The following GFRA1 variants were observed in gnomAD, a reference collection of about 807,000 sequenced individuals.
The protein encoded by GFRA1 is GDNF family receptor alpha-1.
A neutral mutation model predicts 51.6 loss-of-function variants in GFRA1; 16 were observed. The observed-to-expected ratio is 0.31, with a 90% CI of 0.21 to 0.47. The LOEUF (loss-of-function observed/expected upper bound fraction) is 0.47, where lower values mean the gene tolerates loss of function less well. Ranked by LOEUF, GFRA1 falls within the 20% of genes least tolerant of loss-of-function variation. The probability of loss-of-function intolerance (pLI) is 1.00; values close to 1 mark genes in which losing one functional copy is unlikely to be tolerated. For missense variants in GFRA1, 530 were observed against 594.3 expected (o/e 0.89, Z 1.13); for synonymous variants, 270 against 241.3 (o/e 1.12, Z -1.10).
At chr10:116,121,007 GTTC>G (rs914713720) in intron 6 of GFRA1, among the ~76,000 whole-genome samples, 6 of 152,304 alleles carry the variant, frequency 3.9e-5, no homozygotes, top group African/African-American at 1.2e-4. Flanking sequence ...TACCTCTGTG[GTTC>G]TTCGATGGAA....
At chr10:116,152,094 G>A (rs760224309) in intron 5 of GFRA1, among the ~76,000 whole-genome samples, 157 of 152,278 alleles carry the variant, frequency 1.0e-3, no homozygotes, top group Non-Finnish European at 1.6e-3. Context: ...GGTGGGAAAG[G>A]CTGATGGGGC....
intron 2 of GFRA1, among the ~76,000 whole-genome samples, chr10:116,271,397 G>T (rs1215299385): frequency 6.6e-6 from 1 of 152,082 alleles, no homozygotes; most frequent in African/African-American, 2.4e-5. Flanking sequence ...CACCGCGCAC[G>T]TCGGCCCTCC....
chr10:116,076,337 G>A (rs1276107772), intron 9 of GFRA1, among the ~76,000 whole-genome samples: 1 of 152,056 alleles, frequency 6.6e-6, no homozygotes, highest in Non-Finnish European at 1.5e-5. Context: ...GGCACGGACA[G>A]CCTTACATTG....
intron 4 of GFRA1, among the ~76,000 whole-genome samples, chr10:116,253,867 C>A (rs906802957): frequency 8.5e-5 from 13 of 152,126 alleles, no homozygotes; most frequent in African/African-American, 3.1e-4. Context: ...TGCAGCTGGA[C>A]AAACTTGGCT....
chr10:116,109,908 A>C (rs1957142163), intron 6 of GFRA1, among the ~76,000 whole-genome samples: 1 of 152,054 alleles, frequency 6.6e-6, no homozygotes, highest in Non-Finnish European at 1.5e-5. Context: ...CCCTGTATAA[A>C]ACACAGACAC....
At chr10:116,153,980 G>A (rs543254035) in intron 5 of GFRA1, among the ~76,000 whole-genome samples, 14 of 152,156 alleles carry the variant, frequency 9.2e-5, no homozygotes, top group Non-Finnish European at 1.0e-4. Context: ...AATGGGCAAA[G>A]AAACATGCAG....
At chr10:116,123,081 G>C (rs796918472) in intron 6 of GFRA1, among the ~76,000 whole-genome samples, 1 of 152,190 alleles carries the variant, frequency 6.6e-6, no homozygotes, top group African/African-American at 2.4e-5. Flanking sequence ...GCTGGACCCC[G>C]AGCAAAGCTC....
intron 5 of GFRA1, among the ~76,000 whole-genome samples, chr10:116,129,427 A>G (rs186908446): frequency 1.6e-4 from 24 of 152,312 alleles, no homozygotes; most frequent in Admixed American, 1.5e-3. Context: ...GGAAAACCAT[A>G]TATTTCATTA....
chr10:116,175,535 A>G (rs1269254491), intron 5 of GFRA1, among the ~76,000 whole-genome samples: 1 of 152,188 alleles, frequency 6.6e-6, no homozygotes, highest in Non-Finnish European at 1.5e-5. Context: ...CTCGCCTGGG[A>G]ACCCCATCCA....
intron 5 of GFRA1, among the ~76,000 whole-genome samples, chr10:116,188,525 C>A (rs1962944079): frequency 6.6e-6 from 1 of 152,056 alleles, no homozygotes; most frequent in African/African-American, 2.4e-5. Context: ...ATGAAAAAGT[C>A]CTGGAGATGG....
In GFRA1 at chr10:116,078,145, T is replaced by C. The variant is rs1158001123; in HGVS notation, c.1197+11596A>G. 2.6e-5 allele frequency among the ~76,000 whole-genome samples: 4 copies of C among 152,202 alleles called. No homozygotes were observed. In the South Asian group the frequency reaches 6.2e-4, roughly 24 times the overall value. On this transcript the variant is annotated intron_variant, in intron 9 of 10. Coordinates refer to ENST00000355422, the MANE Select transcript of GFRA1 (RefSeq NM_005264.8). ...TAGTTATACCCTGCATGTGTCCATT[T>C]CCAATCGAGTTGAATACACAATTGA...
Position 116,232,832 on chromosome 10 carries a change from A to G in GFRA1, c.419-21187T>C, listed in dbSNP as rs571140749. Among the ~76,000 whole-genome samples, 1,446 of 152,282 alleles carry G rather than the reference A, an allele frequency of 9.5e-3. 25 individuals carry two copies. The highest frequency in any genetic ancestry group is 0.033 in the African/African-American group (1,388 of 41,546). On this transcript the variant is annotated intron_variant, in intron 4 of 10. Coordinates refer to ENST00000355422, the MANE Select transcript of GFRA1 (RefSeq NM_005264.8). The stretch of plus-strand genomic sequence containing the variant: ...TTGCCAGGCTGAGGCCCCGTCTTTG[A>G]TAAGCCCATTCAGAGATAACTGCAG...
intron 5 of GFRA1, among the ~76,000 whole-genome samples, chr10:116,166,775 ATCT>A (rs1488735943): frequency 6.3e-4 from 80 of 127,338 alleles, no homozygotes; most frequent in Non-Finnish European, 1.1e-3. Flanking sequence ...GATAGCAACA[ATCT>A]TCTTTTTTTT....
intron 5 of GFRA1, among the ~76,000 whole-genome samples, chr10:116,130,923 T>C (rs966533002): frequency 1.3e-5 from 2 of 152,086 alleles, no homozygotes; most frequent in Non-Finnish European, 2.9e-5. Context: ...GTTGGTAAGG[T>C]AGAGTTCATC....
In GFRA1 at chr10:116,062,443, G is replaced by A. The variant is rs1954861557; in HGVS notation, c.*1955C>T. On this transcript the variant is annotated 3_prime_UTR_variant, in exon 11 of 11. Coordinates refer to ENST00000355422, the MANE Select transcript of GFRA1 (RefSeq NM_005264.8). ...AAACATTTTGAAGTGAAAAAAGTCA[G>A]TACTGAGTACTGTACATTTGTGTTG... is the stretch of plus-strand genomic sequence containing the variant. The A allele has an allele frequency of 8.0e-6, 2 of 250,516 alleles. No homozygotes were observed. Among genetic ancestry groups the A allele is most frequent in the Non-Finnish European group, 1.5e-5 (2 of 133,358 alleles). The allele number at this position is 250,516 out of a possible 1,614,324, so 15.5% of individuals were successfully genotyped here.
At chr10:116,138,486 G>C (rs547424505) in intron 5 of GFRA1, among the ~76,000 whole-genome samples, 2 of 151,984 alleles carry the variant, frequency 1.3e-5, no homozygotes, top group Non-Finnish European at 2.9e-5. Flanking sequence ...AGTATATTCC[G>C]TCCTCATTCC....
intron 5 of GFRA1, among the ~76,000 whole-genome samples, chr10:116,145,201 A>C (rs958409353): frequency 1.3e-5 from 2 of 151,482 alleles, no homozygotes; most frequent in Non-Finnish European, 2.9e-5. Flanking sequence ...ACAACAACAA[A>C]AAATTCTAAA....
chr10:116,102,534 A>G (rs1956857722), intron 6 of GFRA1, among the ~76,000 whole-genome samples: 1 of 152,214 alleles, frequency 6.6e-6, no homozygotes, highest in African/African-American at 2.4e-5. Context: ...ATAATCTATA[A>G]AGAAAAAGAG....
At chr10:116,110,821 T>C (rs919766959) in intron 6 of GFRA1, among the ~76,000 whole-genome samples, 10 of 152,152 alleles carry the variant, frequency 6.6e-5, no homozygotes, top group African/African-American at 2.4e-4. Flanking sequence ...CTTTAGGATA[T>C]GGAATCCAAC....
Sources: gnomAD v4.1 joint callset for allele counts (sites outside exome capture counted in the v4.1 genomes callset) on GRCh38, gnomAD v4.1.1 for gene constraint, MANE v1.5 for transcripts, NCBI Gene and HGNC (gene_info 2026-07-23, HGNC 2026-07-21) for gene names.